ENPP3: variants seen among roughly 807,000 people sequenced by gnomAD.
ENPP3 encodes ectonucleotide pyrophosphatase/phosphodiesterase family member 3.
Under a neutral mutation model 117.8 loss-of-function variants are expected in ENPP3, and 104 were observed. That is an observed-to-expected ratio of 0.88 (90% CI 0.75 to 1.04). The LOEUF (loss-of-function observed/expected upper bound fraction) is 1.04. ENPP3 is among the 50% of genes least tolerant of loss of function. The probability of loss-of-function intolerance (pLI) is 0.00; values close to 1 mark genes in which losing one functional copy is unlikely to be tolerated. For synonymous variants in ENPP3, 380 were observed against 349.9 expected (o/e 1.09, Z -0.96); for missense variants, 1,026 against 1,051.9 (o/e 0.98, Z 0.34).
intron 1 of ENPP3, among the ~76,000 whole-genome samples, chr6:131,639,418 G>A (rs1014902781): frequency 1.3e-5 from 2 of 151,606 alleles, no homozygotes; most frequent in African/African-American, 4.9e-5. Context: ...CCGAGTAGCT[G>A]GGACTTCAAG....
At chr6:131,654,644 T>C (rs1157289178) in intron 5 of ENPP3, among the ~76,000 whole-genome samples, 1 of 152,108 alleles carries the variant, frequency 6.6e-6, no homozygotes, top group Non-Finnish European at 1.5e-5. Flanking sequence ...TGTTTTTCCA[T>C]GTTGCCCAGG....
At position 131,706,657 on chromosome 6, in the gene ENPP3, G is replaced by A. The variant is rs1397166063; in HGVS notation, c.1413-12015G>A. 2.1e-3 allele frequency among the ~76,000 whole-genome samples: 308 copies of A among 149,182 alleles called. 4 individuals are homozygous for A. Among genetic ancestry groups the A allele is most frequent in the African/African-American group, 7.5e-3 (295 of 39,320 alleles). On this transcript the variant is annotated intron_variant, in intron 15 of 24. Transcript: ENST00000357639. ...AGAGCTTTTATCATGAATGGATATC[G>A]AAATGTGTTAAATGTTTATTATGCA...
rs900454356 is a variant in ENPP3 at position 131,659,221 on chromosome 6, G to A, written c.562+801G>A. ...CTAGCACTTTGGGAGGTGGAGGCTA[G>A]AGCATCCCTTGAGCTCAGGAGTTTG... On this transcript the variant is annotated intron_variant, in intron 6 of 24. Transcript: ENST00000357639. 3.7e-4 allele frequency among the ~76,000 whole-genome samples: 57 copies of A among 152,158 alleles called. 1 individual carries two copies. The highest frequency in any genetic ancestry group is 2.2e-4 in the Non-Finnish European group (15 of 68,016).
At chr6:131,642,718 G>C (rs1778079015) in intron 2 of ENPP3, 1 of 152,184 alleles carries the variant, frequency 6.6e-6, no homozygotes, top group Non-Finnish European at 1.5e-5. Flanking sequence ...ATACAGGCAT[G>C]CACTACCACA....
intron 2 of ENPP3, among the ~76,000 whole-genome samples, chr6:131,646,336 C>A (rs1778153340): frequency 6.7e-6 from 1 of 148,920 alleles, no homozygotes; most frequent in Non-Finnish European, 1.5e-5. Context: ...TTGCTCCCTG[C>A]ATTATTTCCT....
chr6:131,733,752 G>A (rs773558760), intron 21 of ENPP3, 29 bp downstream of exon 21: 1 of 1,608,636 alleles, frequency 6.2e-7, no homozygotes, highest in African/African-American at 1.3e-5. Flanking sequence ...TAGAGCAGTA[G>A]CTTAGAAAGC....
chr6:131,691,412 A>G (rs528466761), intron 14 of ENPP3, among the ~76,000 whole-genome samples: 84 of 152,090 alleles, frequency 5.5e-4, no homozygotes, highest in African/African-American at 1.8e-3. Flanking sequence ...AACATGGTGA[A>G]ATATCTTCTC....
rs369792433 is a variant in ENPP3 at position 131,740,308 on chromosome 6, A to T, written c.2385A>T (p.Glu795Asp). Residue 795 changes from glutamate (E) to aspartate (D), a missense_variant, in exon 24 of 25, where the codon GAA becomes GAT. Coordinates refer to ENST00000357639, the MANE Select transcript of ENPP3 (RefSeq NM_005021.5). ...GTAAAAACAAGAGCCACACACCGGA[A>T]AACTGCCCTGGGTGGCTGGATGTCC... The part of the protein sequence containing the change: ...TSCKNKSHTP[E>D]NCPGWLDVLP... 17 of 1,613,236 alleles carry T rather than the reference A, an allele frequency of 1.1e-5. No individual in the cohort carries two copies. Among genetic ancestry groups the T allele is most frequent in the Non-Finnish European group, 1.4e-5 (17 of 1,179,602 alleles).
chr6:131,716,133 A>G (rs572014461), intron 15 of ENPP3, among the ~76,000 whole-genome samples: 10 of 152,354 alleles, frequency 6.6e-5, no homozygotes, highest in African/African-American at 2.2e-4. Flanking sequence ...AACTGTGTTA[A>G]TTAGACATGG....
intron 17 of ENPP3, 85 bp from the exon 18 acceptor site, chr6:131,722,141 TA>T (rs1240869872): frequency 3.5e-6 from 3 of 861,180 alleles, no homozygotes; most frequent in Non-Finnish European, 5.5e-6. Flanking sequence ...AGTGAAAGAG[TA>T]GGTGTTTGTT....
intron 6 of ENPP3, among the ~76,000 whole-genome samples, chr6:131,661,935 C>T (rs1585632235): frequency 1.3e-5 from 2 of 152,250 alleles, no homozygotes; most frequent in African/African-American, 4.8e-5. Context: ...GCTTTTATTG[C>T]CTGGGCTTTT....
intron 5 of ENPP3, among the ~76,000 whole-genome samples, chr6:131,654,226 TG>T (rs1210747729): frequency 6.6e-6 from 1 of 151,932 alleles, no homozygotes; most frequent in Non-Finnish European, 1.5e-5. Context: ...CTCAAATTCC[TG>T]GGCTCAAGCT....
At chr6:131,674,682 G>A (rs1372907218) in intron 8 of ENPP3, among the ~76,000 whole-genome samples, 2 of 150,798 alleles carry the variant, frequency 1.3e-5, no homozygotes, top group African/African-American at 2.4e-5. Flanking sequence ...AAGCACTTCT[G>A]CCTCAGCCTC....
intron 22 of ENPP3, 52 bp from the exon 23 acceptor site, chr6:131,737,979 G>A (rs1780435854): frequency 7.6e-7 from 1 of 1,318,890 alleles, no homozygotes; most frequent in East Asian, 2.4e-5. Flanking sequence ...AGAAAATAGT[G>A]TCATATTTCA....
At chr6:131,722,443 G>A in intron 18 of ENPP3, 38 bp downstream of exon 18, 5 of 1,571,216 alleles carry the variant, frequency 3.2e-6, no homozygotes, top group Non-Finnish European at 4.4e-6. Flanking sequence ...GAACGTAAAG[G>A]GGCAAGCTAT....
intron 20 of ENPP3, among the ~76,000 whole-genome samples, chr6:131,732,979 G>A (rs1008774942): frequency 5.3e-4 from 80 of 151,550 alleles, no homozygotes; most frequent in Middle Eastern, 3.4e-3. Context: ...TGCCTGCCTC[G>A]GCCTCTCAAA....
At chr6:131,681,913 C>T (rs1779030667) in intron 11 of ENPP3, among the ~76,000 whole-genome samples, 1 of 152,082 alleles carries the variant, frequency 6.6e-6, no homozygotes, top group South Asian at 2.1e-4. Context: ...AATCTTGGCT[C>T]ACTGCCCCCC....
chr6:131,662,575 T>G (rs950457812), intron 6 of ENPP3, among the ~76,000 whole-genome samples: 2 of 152,210 alleles, frequency 1.3e-5, no homozygotes, highest in Admixed American at 6.5e-5. Context: ...ACATCTGTTT[T>G]TATGCCAGTA....
At chr6:131,723,952 C>T in intron 18 of ENPP3, 88 bp from the exon 19 acceptor site, 1 of 920,412 alleles carries the variant, frequency 1.1e-6, no homozygotes, top group South Asian at 1.5e-5. Flanking sequence ...TAATCGATTA[C>T]TACAGAAACA....
Sources: gnomAD v4.1 joint callset for allele counts (sites outside exome capture counted in the v4.1 genomes callset) on GRCh38, gnomAD v4.1.1 for gene constraint, MANE v1.5 for transcripts, NCBI Gene and HGNC (gene_info 2026-07-23, HGNC 2026-07-21) for gene names.